Variants in NLRP4 observed in about 807,000 individuals in gnomAD.
NLRP4 encodes the protein NLR family pyrin domain containing 4.
In NLRP4, 44 loss-of-function variants were observed where a neutral mutation model predicts 84.7. That is an observed-to-expected ratio of 0.52 (90% CI 0.41 to 0.67). The LOEUF (loss-of-function observed/expected upper bound fraction) is 0.67, where lower values mean the gene tolerates loss of function less well. Among genes scored for constraint, NLRP4 ranks in the 30% least tolerant of loss-of-function variants. The pLI, the probability that NLRP4 is intolerant of heterozygous loss-of-function variation, is 0.00. For synonymous variants in NLRP4, 544 were observed against 476.4 expected (o/e 1.14, Z -1.85); for missense variants, 1,260 against 1,219.4 (o/e 1.03, Z -0.50).
intron 5 of NLRP4, among the ~76,000 whole-genome samples, chr19:55,865,996 C>G (rs1984940257): frequency 6.6e-6 from 1 of 152,018 alleles, no homozygotes; most frequent in Admixed American, 6.6e-5. Context: ...ATTGCCTAAC[C>G]CAAATTCATT....
intron 9 of NLRP4, 80 bp downstream of exon 9, chr19:55,879,044 C>T (rs770937933): frequency 9.0e-6 from 10 of 1,108,660 alleles, no homozygotes; most frequent in South Asian, 6.2e-5. Context: ...AGTGTAATCA[C>T]GTTGCATTTA....
intron 1 of NLRP4, among the ~76,000 whole-genome samples, chr19:55,844,786 G>T (rs929098693): frequency 6.6e-6 from 1 of 152,130 alleles, no homozygotes; most frequent in Non-Finnish European, 1.5e-5. Flanking sequence ...TCATACTTCA[G>T]CATGTAACTT....
chr19:55,852,390 C>A, intron 2 of NLRP4, 30 bp downstream of exon 2: 1 of 1,502,598 alleles, frequency 6.7e-7, no homozygotes, highest in Non-Finnish European at 9.0e-7. Context: ...GGGAAGCCTT[C>A]TTATAATGAG....
At chr19:55,845,143 A>G (rs1983746409) in intron 1 of NLRP4, among the ~76,000 whole-genome samples, 2 of 149,720 alleles carry the variant, frequency 1.3e-5, no homozygotes, top group South Asian at 4.3e-4. Flanking sequence ...GTCATTTAGC[A>G]TTAGGTACAT....
intron 2 of NLRP4, among the ~76,000 whole-genome samples, chr19:55,853,358 C>G (rs1482397630): frequency 6.6e-6 from 1 of 152,148 alleles, no homozygotes; most frequent in Non-Finnish European, 1.5e-5. Context: ...TTCCATTCTT[C>G]TGTTTATTCT....
At chr19:55,878,470 A>G (rs796940225) in intron 8 of NLRP4, among the ~76,000 whole-genome samples, 6 of 152,372 alleles carry the variant, frequency 3.9e-5, no homozygotes, top group African/African-American at 7.2e-5. Flanking sequence ...TCTTGCTTCC[A>G]TTGTTATCTG....
intron 7 of NLRP4, among the ~76,000 whole-genome samples, chr19:55,872,450 A>G (rs778957168): frequency 3.3e-5 from 5 of 152,214 alleles, no homozygotes; most frequent in Non-Finnish European, 5.9e-5. Flanking sequence ...CTACCAAACT[A>G]TCTAATTATC....
chr19:55,870,798 C>T, intron 6 of NLRP4, 29 bp from the exon 7 acceptor site: 1 of 1,583,122 alleles, frequency 6.3e-7, no homozygotes, highest in Non-Finnish European at 8.7e-7. Flanking sequence ...TCCCTCTTCA[C>T]TCTCCTTCTC....
intron 2 of NLRP4, among the ~76,000 whole-genome samples, chr19:55,853,998 C>G (rs1027008878): frequency 2.0e-5 from 3 of 150,422 alleles, no homozygotes; most frequent in African/African-American, 7.5e-5. Context: ...GATACAGAGT[C>G]ACGCTCTGTC....
rs1368469493 is a variant in NLRP4, at chr19:55,881,488, TG to T, written c.2887del (p.Asp963MetfsTer8). 1.3e-6 allele frequency: 2 copies of T among 1,595,358 alleles called. No individual in the cohort carries two copies. The highest frequency in any genetic ancestry group is 1.7e-6 in the Non-Finnish European group (2 of 1,164,024). ...TTACCAGGCTGAGAAAAACTGATTT[TG>T]ATGAGGAAACCCAGGCACTTCTGAC... ...QVLGLRKTDF[D>X]EETQALLTAE... On this transcript the variant is annotated frameshift_variant, in exon 10 of 10. Coordinates refer to ENST00000301295, the MANE Select transcript of NLRP4 (RefSeq NM_134444.5). LOFTEE classifies it low-confidence loss of function (END_TRUNC).
At chr19:55,843,574 C>T (rs1298147631) in intron 1 of NLRP4, among the ~76,000 whole-genome samples, 1 of 151,984 alleles carries the variant, frequency 6.6e-6, no homozygotes, top group Non-Finnish European at 1.5e-5. Context: ...CACCTGTGAT[C>T]CCAGCTGCTC....
chr19:55,870,808 C>G lies in NLRP4; in HGVS notation c.2355-19C>G, dbSNP rs370874544. 8 of 1,600,042 alleles carry G rather than the reference C, an allele frequency of 5.0e-6. No homozygotes were observed. In the African/African-American group the frequency reaches 1.1e-4, roughly 21 times the overall value. ...CCACGTCCCTCTTCACTCTCCTTCT[C>G]GTGTTTTTGTCCCCATAGGTTGGCT... On this transcript the variant is annotated intron_variant, in intron 6 of 9. Transcript: ENST00000301295.
intron 1 of NLRP4, among the ~76,000 whole-genome samples, chr19:55,839,445 T>A (rs933295392): frequency 3.3e-5 from 5 of 149,600 alleles, no homozygotes; most frequent in African/African-American, 1.2e-4. Context: ...CTGATGAAGA[T>A]GTTTGAGCCT....
At chr19:55,851,784 G>A (rs1056203265) in intron 1 of NLRP4, among the ~76,000 whole-genome samples, 1 of 152,122 alleles carries the variant, frequency 6.6e-6, no homozygotes, top group African/African-American at 2.4e-5. Flanking sequence ...CCTGGATATT[G>A]AGGCTATGTC....
At chr19:55,879,232 G>A (rs1374506698) in intron 9 of NLRP4, among the ~76,000 whole-genome samples, 3 of 149,018 alleles carry the variant, frequency 2.0e-5, no homozygotes, top group Admixed American at 6.6e-5. Context: ...GGGCCGTGGA[G>A]ATCCAAGGAC....
rs764612093 is a variant in NLRP4 at position 55,857,661 on chromosome 19, C to G, written c.281-13C>G. On this transcript the variant is annotated splice_polypyrimidine_tract_variant and intron_variant, in intron 2 of 9. Transcript: ENST00000301295. ...TTTGTGGGTTTTCTCTCCTCTTGCC[C>G]TCACTGACTCAGGATACACAAAGAC... 13 of 1,609,620 alleles carry G rather than the reference C, an allele frequency of 8.1e-6. 1 individual carries two copies. In the South Asian group the frequency reaches 1.4e-4, roughly 18 times the overall value.
At chr19:55,855,432 G>A (rs898476840) in intron 2 of NLRP4, among the ~76,000 whole-genome samples, 3 of 152,178 alleles carry the variant, frequency 2.0e-5, no homozygotes, top group African/African-American at 7.2e-5. Context: ...AGGAAAGCAG[G>A]AAGCCATTGG....
chr19:55,877,593 GC>G (rs1568675925), intron 8 of NLRP4, among the ~76,000 whole-genome samples: 1 of 152,156 alleles, frequency 6.6e-6, no homozygotes, highest in Non-Finnish European at 1.5e-5. Context: ...GGACTGGGTG[GC>G]TTAGGTAATG....
At chr19:55,870,728 T>C in intron 6 of NLRP4, 99 bp from the exon 7 acceptor site, 1 of 821,330 alleles carries the variant, frequency 1.2e-6, no homozygotes, top group Non-Finnish European at 2.0e-6. Flanking sequence ...GGGGAGTTTG[T>C]AAGATTATAG....
Sources: gnomAD v4.1 joint callset for allele counts (sites outside exome capture counted in the v4.1 genomes callset) on GRCh38, gnomAD v4.1.1 for gene constraint, MANE v1.5 for transcripts, NCBI Gene and HGNC (gene_info 2026-07-23, HGNC 2026-07-21) for gene names.